Variants in LRRC28 observed in about 807,000 individuals in gnomAD.
The protein encoded by LRRC28 is leucine-rich repeat-containing protein 28.
A neutral mutation model predicts 45.7 loss-of-function variants in LRRC28; 39 were observed. The observed-to-expected ratio is 0.85, with a 90% CI of 0.66 to 1.12. The LOEUF (loss-of-function observed/expected upper bound fraction) is 1.12, where lower values mean the gene tolerates loss of function less well. Among genes scored for constraint, LRRC28 ranks in the 50% most tolerant of loss-of-function variants. LRRC28 has a pLI of 0.00. For synonymous variants in LRRC28, 206 were observed against 178.8 expected (o/e 1.15, Z -1.22); for missense variants, 435 against 438.5 (o/e 0.99, Z 0.07).
intron 3 of LRRC28, chr15:99,285,308 G>A (rs1286771941): frequency 5.4e-6 from 4 of 739,566 alleles, no homozygotes; most frequent in Non-Finnish European, 7.4e-6. Context: ...ATCTTCTCTT[G>A]AGACAGCTGT....
At chr15:99,258,351 G>A (rs1225619960) in intron 2 of LRRC28, 24 of 1,329,648 alleles carry the variant, frequency 1.8e-5, no homozygotes, top group Non-Finnish European at 2.5e-5. Flanking sequence ...CTAGGACGGG[G>A]AACGACCATT....
At chr15:99,369,203 CT>C (rs937323652) in intron 9 of LRRC28, among the ~76,000 whole-genome samples, 1 of 152,100 alleles carries the variant, frequency 6.6e-6, no homozygotes, top group Non-Finnish European at 1.5e-5. Context: ...TCCTGCCTTT[CT>C]TTTGTGAGCC....
At chr15:99,300,732 A>G (rs138936577) in intron 5 of LRRC28, among the ~76,000 whole-genome samples, 2 of 152,192 alleles carry the variant, frequency 1.3e-5, no homozygotes, top group African/African-American at 4.8e-5. Flanking sequence ...AAGCTGAGGC[A>G]TGAGAATCGC....
chr15:99,350,782 T>G (rs1269405128), intron 6 of LRRC28, among the ~76,000 whole-genome samples: 1 of 152,158 alleles, frequency 6.6e-6, no homozygotes, highest in Non-Finnish European at 1.5e-5. Context: ...AAAGACTATG[T>G]TCTTTCTTTT....
intron 2 of LRRC28, among the ~76,000 whole-genome samples, chr15:99,265,505 C>T (rs1043754166): frequency 2.0e-5 from 3 of 152,176 alleles, no homozygotes; most frequent in Admixed American, 6.5e-5. Context: ...CTGATGATGA[C>T]ACGGTCTTAG....
At chr15:99,277,672 C>T (rs75658618) in intron 3 of LRRC28, among the ~76,000 whole-genome samples, 352 of 151,958 alleles carry the variant, frequency 2.3e-3, no homozygotes, top group African/African-American at 7.7e-3. Context: ...GGTGTTTGAC[C>T]CCAAAACTTG....
At position 99,388,410 on chromosome 15, in the gene LRRC28, A is replaced by T. The variant is rs1428531587; in HGVS notation, c.*2308A>T. ...TCCAGGCATTCTTTCTCTACCTATT[A>T]TGAACTACGGTGTGTTAAACAACAG... On this transcript the variant is annotated 3_prime_UTR_variant, in exon 10 of 10. Transcript: ENST00000301981. The T allele has an allele frequency of 6.6e-6, 1 of 152,232 alleles. No individual in the cohort carries two copies. Among genetic ancestry groups the T allele is most frequent in the Non-Finnish European group, 1.5e-5 (1 of 68,048 alleles). 9.4% of individuals were successfully genotyped at this position (152,232 alleles called of 1,614,324 possible). A position where few individuals can be genotyped will look rare whatever the true frequency, so the allele number is the denominator to read the frequency against.
At chr15:99,374,299 A>G (rs1013778569) in intron 9 of LRRC28, among the ~76,000 whole-genome samples, 4 of 152,248 alleles carry the variant, frequency 2.6e-5, no homozygotes, top group African/African-American at 7.2e-5. Flanking sequence ...TTTTCAGCAT[A>G]TAAATCATTA....
At position 99,388,001 on chromosome 15, in the gene LRRC28, T is replaced by C. The variant is rs1481311804; in HGVS notation, c.*1899T>C. 1 of 152,248 alleles carries C rather than the reference T, an allele frequency of 6.6e-6. No homozygotes were observed. The highest frequency in any genetic ancestry group is 1.5e-5 in the Non-Finnish European group (1 of 68,036). The allele number at this position is 152,248 out of a possible 1,614,324, so 9.4% of individuals were successfully genotyped here. ...CCCACTGTATCTGCACTGTTCTTACTTCCTCTTGTCCCTTTTCATATCTTG... is the reference window on the plus strand; with the variant it reads ...CCCACTGTATCTGCACTGTTCTTACCTCCTCTTGTCCCTTTTCATATCTTG... On this transcript the variant is annotated 3_prime_UTR_variant, in exon 10 of 10. Coordinates refer to ENST00000301981, the MANE Select transcript of LRRC28 (RefSeq NM_144598.5).
chr15:99,359,685 T>C (rs1597427049), intron 7 of LRRC28, among the ~76,000 whole-genome samples: 2 of 152,334 alleles, frequency 1.3e-5, no homozygotes, highest in South Asian at 2.1e-4. Flanking sequence ...TATTGTGATG[T>C]TGTATGTGTA....
At chr15:99,382,001 C>A (rs540368341) in intron 9 of LRRC28, among the ~76,000 whole-genome samples, 3 of 152,356 alleles carry the variant, frequency 2.0e-5, no homozygotes, top group African/African-American at 7.2e-5. Flanking sequence ...AGGGGGCAGT[C>A]TGTCCGTTCT....
At chr15:99,385,469 C>A (rs1957955061) in intron 9 of LRRC28, among the ~76,000 whole-genome samples, 1 of 152,254 alleles carries the variant, frequency 6.6e-6, no homozygotes, top group African/African-American at 2.4e-5. Flanking sequence ...GGGCTCATGA[C>A]TCACGCACAA....
At position 99,388,540 on chromosome 15, in the gene LRRC28, C is replaced by T. The variant is rs1452527505; in HGVS notation, c.*2438C>T. ...TGGAACTTAAGTGGTTTCCCTGGTG[C>T]TGTTCATTATGGAAATTTTATGCTG... is the stretch of plus-strand genomic sequence containing the variant. On this transcript the variant is annotated 3_prime_UTR_variant, in exon 10 of 10. Transcript: ENST00000301981. The T allele has an allele frequency of 6.6e-6, 1 of 152,154 alleles. No homozygotes were observed. Among genetic ancestry groups the T allele is most frequent in the Non-Finnish European group, 1.5e-5 (1 of 68,040 alleles). 9.4% of individuals were successfully genotyped at this position (152,154 alleles called of 1,614,324 possible).
intron 5 of LRRC28, among the ~76,000 whole-genome samples, chr15:99,318,558 T>C (rs1955679023): frequency 6.6e-6 from 1 of 152,022 alleles, no homozygotes; most frequent in Non-Finnish European, 1.5e-5. Context: ...CATTTTTGAG[T>C]CTTTTTTTTC....
chr15:99,263,126 A>G (rs1470401900), intron 2 of LRRC28, among the ~76,000 whole-genome samples: 4 of 145,880 alleles, frequency 2.7e-5, no homozygotes, highest in Non-Finnish European at 6.0e-5. Context: ...CCTGGGCAAC[A>G]TCACAAAATG....
intron 9 of LRRC28, among the ~76,000 whole-genome samples, chr15:99,364,739 T>C (rs1478877055): frequency 6.6e-6 from 1 of 152,198 alleles, no homozygotes; most frequent in Non-Finnish European, 1.5e-5. Context: ...AATATCTATT[T>C]AATAGGGTCA....
At chr15:99,255,788 T>G in intron 1 of LRRC28, 110 bp from the exon 2 acceptor site, 2 of 535,488 alleles carry the variant, frequency 3.7e-6, no homozygotes, top group Non-Finnish European at 6.3e-6. Context: ...GGATTGAATG[T>G]ATTAATTATT....
Position 99,302,274 on chromosome 15 carries a change from G to A in LRRC28, c.385+14323G>A, listed in dbSNP as rs192963154. On this transcript the variant is annotated intron_variant, in intron 5 of 9. Coordinates refer to ENST00000301981, the MANE Select transcript of LRRC28 (RefSeq NM_144598.5). Reference sequence around the variant, plus strand: ...GATCTCCTGACCTCATGATCTGCCCGCCTCGGCCTCCCAAAGTGCTGGGAT... The same window carrying A: ...GATCTCCTGACCTCATGATCTGCCCACCTCGGCCTCCCAAAGTGCTGGGAT... 9.9e-5 allele frequency among the ~76,000 whole-genome samples: 15 copies of A among 152,190 alleles called. No individual in the cohort carries two copies. The East Asian group carries it at 2.5e-3, about 25-fold the overall frequency.
chr15:99,316,715 T>TAA (rs142753859), intron 5 of LRRC28, among the ~76,000 whole-genome samples: 2 of 145,292 alleles, frequency 1.4e-5, no homozygotes, highest in Non-Finnish European at 3.0e-5. Flanking sequence ...AGAAAACTCT[T>TAA]AAAAAAAAAA....
Sources: gnomAD v4.1 joint callset for allele counts (sites outside exome capture counted in the v4.1 genomes callset) on GRCh38, gnomAD v4.1.1 for gene constraint, MANE v1.5 for transcripts, NCBI Gene and HGNC (gene_info 2026-07-23, HGNC 2026-07-21) for gene names.